Variants in TYW1B observed in about 807,000 individuals in gnomAD.
TYW1B encodes the protein tRNA-yW synthesizing protein 1 homolog B, also known as S-adenosyl-L-methionine-dependent tRNA 4-demethylwyosine synthase TYW1B.
A neutral mutation model predicts 86.9 loss-of-function variants in TYW1B; 73 were observed. The observed-to-expected ratio is 0.84, with a 90% CI of 0.70 to 1.02. The LOEUF (loss-of-function observed/expected upper bound fraction) is 1.02, where lower values mean the gene tolerates loss of function less well. TYW1B is among the 50% of genes least tolerant of loss of function. The probability of loss-of-function intolerance (pLI) is 0.00; values close to 1 mark genes in which losing one functional copy is unlikely to be tolerated. For synonymous variants in TYW1B, 248 were observed against 292.8 expected, an observed-to-expected ratio of 0.85 and a Z score of 1.56; for missense variants, 637 against 827.4, an observed-to-expected ratio of 0.77 and a Z score of 2.82.
intron 6 of TYW1B, among the ~76,000 whole-genome samples, chr7:72,780,244 G>A (rs1788028246): frequency 6.6e-6 from 1 of 151,782 alleles, no homozygotes. Context: ...AGTTTGCTTT[G>A]TTTTTTTTAA....
chr7:72,799,567 G>A (rs1214173200), intron 6 of TYW1B, among the ~76,000 whole-genome samples: 7 of 149,878 alleles, frequency 4.7e-5, no homozygotes, highest in East Asian at 2.0e-4. Context: ...CCAGGTTCAC[G>A]CCATTCTCTT....
intron 9 of TYW1B, among the ~76,000 whole-genome samples, chr7:72,727,483 C>T (rs1787021692): frequency 6.6e-6 from 1 of 152,136 alleles, no homozygotes; most frequent in African/African-American, 2.4e-5. Context: ...GTTCTCAAAG[C>T]GTGGTCCCCA....
chr7:72,789,843 A>G (rs1788189419), intron 6 of TYW1B, among the ~76,000 whole-genome samples: 1 of 151,700 alleles, frequency 6.6e-6, no homozygotes, highest in Admixed American at 6.6e-5. Context: ...TAGATGAAAC[A>G]CAGTGTACAA....
At chr7:72,645,992 G>A (rs188735545) in intron 11 of TYW1B, among the ~76,000 whole-genome samples, 4,535 of 145,560 alleles carry the variant, frequency 0.031, 234 homozygotes, top group African/African-American at 0.1. Context: ...TATGTTATAT[G>A]TTATATATAT....
intron 11 of TYW1B, among the ~76,000 whole-genome samples, chr7:72,685,628 G>A (rs1284583981): frequency 2.6e-5 from 4 of 151,944 alleles, no homozygotes; most frequent in East Asian, 1.9e-4. Flanking sequence ...GAATCTAAAC[G>A]AACACCTTAT....
At chr7:72,631,159 TAA>T (rs557139689) in intron 11 of TYW1B, among the ~76,000 whole-genome samples, 1 of 143,482 alleles carries the variant, frequency 7.0e-6, no homozygotes, top group Admixed American at 7.0e-5. Flanking sequence ...TCCTTAACAT[TAA>T]AAAAAAAAAA....
intron 6 of TYW1B, among the ~76,000 whole-genome samples, chr7:72,791,107 G>C (rs1788210073): frequency 6.6e-6 from 1 of 152,096 alleles, no homozygotes; most frequent in Non-Finnish European, 1.5e-5. Flanking sequence ...TTGATAAAAG[G>C]GTCTTTGCTT....
intron 6 of TYW1B, among the ~76,000 whole-genome samples, chr7:72,779,733 A>AAAAAAG (rs1788018280): frequency 6.7e-6 from 1 of 150,006 alleles, no homozygotes; most frequent in Admixed American, 6.7e-5. Flanking sequence ...AAAAAAAAAA[A>AAAAAAG]TTAACACTCA....
chr7:72,628,948 T>A lies in TYW1B; in HGVS notation c.1556A>T (p.Asp519Val). 2 of 1,592,436 alleles carry A rather than the reference T, an allele frequency of 1.3e-6. No individual in the cohort carries two copies. The highest frequency in any genetic ancestry group is 4.6e-5 in the East Asian group (2 of 43,294). ...RLMLVKAWNVDELQAYAQLVS... is the reference protein window; with the variant it reads ...RLMLVKAWNVVELQAYAQLVS... ...GAGCTGCGCGTAGGCCTGGAGCTCG[T>A]CCACGTTCCATGCTTTCACGAGCAT... Residue 519 changes from aspartate to valine, a missense_variant, in exon 12 of 14, where the codon GAC becomes GTC. Coordinates refer to ENST00000620995, the MANE Select transcript of TYW1B (RefSeq NM_001145440.3).
Position 72,618,303 on chromosome 7 carries a change from G to A in TYW1B, c.1618-1464C>T, listed in dbSNP as rs184529228. On this transcript the variant is annotated intron_variant, in intron 12 of 13. Transcript: ENST00000620995. ...CTGATCTCGGCTCACTGCAGCCTCC[G>A]CCTCCTGGGTTGAAGCGATTCTCCT... Among the ~76,000 whole-genome samples the A allele has an allele frequency of 2.9e-3, 389 of 133,582 alleles. 2 individuals carry two copies. The Middle Eastern group carries it at 0.057, about 19-fold the overall frequency. The allele number at this position is 133,582 out of a possible 152,430, so 87.6% of individuals were successfully genotyped here. A position where few individuals can be genotyped will look rare whatever the true frequency, so the allele number is the denominator to read the frequency against.
chr7:72,808,959 GT>G (rs1788546873), intron 4 of TYW1B, among the ~76,000 whole-genome samples: 1 of 151,354 alleles, frequency 6.6e-6, no homozygotes, highest in Non-Finnish European at 1.5e-5. Context: ...AGGCTCCATC[GT>G]TTCATTTTTT....
intron 13 of TYW1B, among the ~76,000 whole-genome samples, chr7:72,586,411 A>G (rs1170596633): frequency 6.6e-6 from 1 of 152,192 alleles, no homozygotes; most frequent in Non-Finnish European, 1.5e-5. Flanking sequence ...CCAAAGCCCC[A>G]ACCATATGAA....
intron 11 of TYW1B, among the ~76,000 whole-genome samples, chr7:72,670,377 G>A (rs1240550942): frequency 6.6e-6 from 1 of 152,170 alleles, no homozygotes; most frequent in Non-Finnish European, 1.5e-5. Context: ...TTTTAGTAGA[G>A]AGGGGGTTTC....
intron 11 of TYW1B, among the ~76,000 whole-genome samples, chr7:72,648,741 A>G (rs1812992520): frequency 6.6e-6 from 1 of 152,122 alleles, no homozygotes; most frequent in South Asian, 2.1e-4. Context: ...AGAGCTTGAC[A>G]TCCACCCGGC....
At chr7:72,625,991 C>A (rs1812340437) in intron 12 of TYW1B, among the ~76,000 whole-genome samples, 1 of 151,664 alleles carries the variant, frequency 6.6e-6, no homozygotes, top group Non-Finnish European at 1.5e-5. Flanking sequence ...TAATTTGAGG[C>A]AGCATTCTTT....
chr7:72,706,381 C>T (rs1345954327), intron 10 of TYW1B, among the ~76,000 whole-genome samples: 5 of 142,890 alleles, frequency 3.5e-5, no homozygotes, highest in Admixed American at 7.4e-5. Flanking sequence ...GAGCCGAGAT[C>T]GCACCAGTGT....
chr7:72,675,334 G>A (rs1554447184), intron 11 of TYW1B, among the ~76,000 whole-genome samples: 1 of 151,996 alleles, frequency 6.6e-6, no homozygotes, highest in African/African-American at 2.4e-5. Context: ...AGGAGGTGGA[G>A]GTTGCAGTGA....
rs1291815189 is a variant in TYW1B, at chr7:72,797,778, TGTGA to T, written c.846+4618_846+4621del. Among the ~76,000 whole-genome samples the T allele has an allele frequency of 2.6e-4, 40 of 152,226 alleles. 1 individual carries two copies. In the Middle Eastern group the frequency reaches 0.017, roughly 65 times the overall value. Reference sequence around the variant, plus strand: ...TAACTATAGTGCTTTCAGGGAGTTCTGTGAGTCATTCCGGCAGAAAAGTAGGTAG... The same window carrying T: ...TAACTATAGTGCTTTCAGGGAGTTCTGTCATTCCGGCAGAAAAGTAGGTAG... On this transcript the variant is annotated intron_variant, in intron 6 of 13. Coordinates refer to ENST00000620995, the MANE Select transcript of TYW1B (RefSeq NM_001145440.3).
chr7:72,697,619 A>C (rs1814353819), intron 10 of TYW1B, among the ~76,000 whole-genome samples: 1 of 152,170 alleles, frequency 6.6e-6, no homozygotes, highest in African/African-American at 2.4e-5. Flanking sequence ...AAATGTTCCC[A>C]AAAAGCAAAA....
Sources: gnomAD v4.1 joint callset for allele counts (sites outside exome capture counted in the v4.1 genomes callset) on GRCh38, gnomAD v4.1.1 for gene constraint, MANE v1.5 for transcripts, NCBI Gene and HGNC (gene_info 2026-07-23, HGNC 2026-07-21) for gene names.